NXPE2: variants seen among roughly 807,000 people sequenced by gnomAD.
NXPE2 encodes neurexophilin and PC-esterase domain family member 2, also known as NXPE family member 2.
Under a neutral mutation model 34.4 loss-of-function variants are expected in NXPE2, and 34 were observed. The ratio of observed to expected loss-of-function variants is 0.99; its 90% CI spans 0.75 to 1.31. The LOEUF (loss-of-function observed/expected upper bound fraction) is 1.31. Among genes scored for constraint, NXPE2 ranks in the 40% most tolerant of loss-of-function variants. The pLI, the probability that NXPE2 is intolerant of heterozygous loss-of-function variation, is 0.00. For missense variants in NXPE2, 649 were observed against 672.5 expected, an observed-to-expected ratio of 0.97 and a Z score of 0.39; for synonymous variants, 235 against 231.3, an observed-to-expected ratio of 1.02 and a Z score of -0.15.
At chr11:114,803,585 T>TC in the NXPE2 span, among the ~76,000 whole-genome samples, 55 of 77,254 alleles carry the variant, frequency 7.1e-4, no homozygotes, top group South Asian at 4.2e-3. Flanking sequence ...TCTCTCTCTC[T>TC]TTTTTTTTTT....
chr11:114,709,565 C>G (rs1486151099), downstream of NXPE2, among the ~76,000 whole-genome samples: 1 of 152,138 alleles, frequency 6.6e-6, no homozygotes, highest in East Asian at 1.9e-4. Flanking sequence ...ATTATCAAAC[C>G]TCTTTCAAAA....
the NXPE2 span, among the ~76,000 whole-genome samples, chr11:114,656,179 A>G: frequency 6.6e-6 from 1 of 152,034 alleles, no homozygotes. Context: ...CCTATTCACA[A>G]TTACTACAAA....
At chr11:114,676,140 G>C (rs993920768), upstream of NXPE2, among the ~76,000 whole-genome samples, 1 of 151,818 alleles carries the variant, frequency 6.6e-6, no homozygotes, top group Admixed American at 6.6e-5. Context: ...ACCTGAAACT[G>C]TAAAACTGCT....
At chr11:114,598,036 A>G in the NXPE2 span, among the ~76,000 whole-genome samples, 2 of 152,164 alleles carry the variant, frequency 1.3e-5, no homozygotes, top group Admixed American at 6.5e-5. Context: ...ATCAAAATCA[A>G]GTTAGTTACT....
chr11:114,778,474 G>T, the NXPE2 span, among the ~76,000 whole-genome samples: 7 of 152,244 alleles, frequency 4.6e-5, no homozygotes, highest in African/African-American at 1.7e-4. Flanking sequence ...CAGTGGGCAA[G>T]AAGGAAAATG....
the NXPE2 span, chr11:114,553,817 A>C: frequency 1.0e-6 from 1 of 969,590 alleles, no homozygotes; most frequent in Non-Finnish European, 1.2e-6. Flanking sequence ...ATTCATGCAC[A>C]TTTCTTTCCA....
At chr11:114,812,030 G>A in the NXPE2 span, among the ~76,000 whole-genome samples, 3,476 of 152,258 alleles carry the variant, frequency 0.023, 137 homozygotes, top group African/African-American at 0.079. Flanking sequence ...ATCAGTAGAA[G>A]CCAGTTTAAT....
At chr11:114,500,654 C>A in the NXPE2 span, among the ~76,000 whole-genome samples, 61 of 152,000 alleles carry the variant, frequency 4.0e-4, no homozygotes, top group Non-Finnish European at 7.1e-4. Flanking sequence ...ATGGTTATTG[C>A]TTTTTGTGTT....
chr11:114,584,214 G>A, the NXPE2 span: 1 of 392,270 alleles, frequency 2.5e-6, no homozygotes, highest in Admixed American at 3.4e-5. Flanking sequence ...CTGTGGCTCT[G>A]GATATGGAGA....
the NXPE2 span, among the ~76,000 whole-genome samples, chr11:114,659,574 A>AC: frequency 6.6e-6 from 1 of 152,158 alleles, no homozygotes; most frequent in South Asian, 2.1e-4. Context: ...CTTCTACATA[A>AC]TTCAAGGGAC....
chr11:114,633,683 C>G, the NXPE2 span, among the ~76,000 whole-genome samples: 8 of 145,246 alleles, frequency 5.5e-5, no homozygotes, highest in African/African-American at 2.0e-4. Context: ...TCTCATTGTT[C>G]AATTCCCACC....
chr11:114,530,697 G>C, the NXPE2 span: 4 of 1,614,208 alleles, frequency 2.5e-6, no homozygotes, highest in Non-Finnish European at 3.4e-6. Flanking sequence ...GTTGAGGATG[G>C]TGGCTGTGCT....
At chr11:114,712,634 G>A in the NXPE2 span, among the ~76,000 whole-genome samples, 1 of 152,222 alleles carries the variant, frequency 6.6e-6, no homozygotes, top group Non-Finnish European at 1.5e-5. Context: ...TTGTGAGGAT[G>A]TGAAGAAGTT....
At chr11:114,701,156 G>C (rs1443081622) in intron 3 of NXPE2, among the ~76,000 whole-genome samples, 1 of 152,120 alleles carries the variant, frequency 6.6e-6, no homozygotes, top group Non-Finnish European at 1.5e-5. Context: ...TGAAGCAAAG[G>C]AAAAATAATC....
chr11:114,533,524 T>G, the NXPE2 span, among the ~76,000 whole-genome samples: 1 of 152,142 alleles, frequency 6.6e-6, no homozygotes, highest in Non-Finnish European at 1.5e-5. Flanking sequence ...GTCAGGGAAT[T>G]TCCTTTCCTA....
At chr11:114,767,751 T>C in the NXPE2 span, among the ~76,000 whole-genome samples, 1 of 152,172 alleles carries the variant, frequency 6.6e-6, no homozygotes, top group African/African-American at 2.4e-5. Context: ...ACATTGTACA[T>C]GATTGTAAGA....
chr11:114,617,698 G>T, the NXPE2 span, among the ~76,000 whole-genome samples: 16 of 151,998 alleles, frequency 1.1e-4, no homozygotes, highest in East Asian at 7.7e-4. Context: ...GTACTGCCTC[G>T]TGGGTAACCA....
the NXPE2 span, among the ~76,000 whole-genome samples, chr11:114,670,881 G>A: frequency 0.32 from 48,896 of 151,184 alleles, 8,232 homozygotes; most frequent in East Asian, 0.41. Context: ...AATGGAAACC[G>A]CCTCTGAGAG....
chr11:114,777,023 G>A, the NXPE2 span, among the ~76,000 whole-genome samples: 2 of 152,262 alleles, frequency 1.3e-5, no homozygotes, highest in South Asian at 2.1e-4. Flanking sequence ...AATTATGTAC[G>A]AATGGGCTGT....
Sources: allele counts gnomAD v4.1 joint callset (sites outside exome capture counted in the v4.1 genomes callset), GRCh38; gene constraint gnomAD v4.1.1; transcripts MANE v1.5; gene names NCBI Gene and HGNC (gene_info 2026-07-23, HGNC 2026-07-21).